The following CARMIL1 variants were observed in gnomAD, a reference collection of about 807,000 sequenced individuals.
CARMIL1 encodes the protein capping protein regulator and myosin 1 linker 1, also known as F-actin-uncapping protein LRRC16A.
Under a neutral mutation model 177.1 loss-of-function variants are expected in CARMIL1, and 90 were observed. The ratio of observed to expected loss-of-function variants is 0.51; its 90% CI spans 0.43 to 0.61. The LOEUF (loss-of-function observed/expected upper bound fraction) is 0.61. CARMIL1 is among the 20% of genes least tolerant of loss of function. The pLI, the probability that CARMIL1 is intolerant of heterozygous loss-of-function variation, is 0.00. For missense variants in CARMIL1, 1,380 were observed against 1,667.0 expected, an observed-to-expected ratio of 0.83 and a Z score of 3.00; for synonymous variants, 577 against 606.2, an observed-to-expected ratio of 0.95 and a Z score of 0.71.
chr6:25,453,853 G>A (rs921582041), intron 8 of CARMIL1, among the ~76,000 whole-genome samples: 1 of 152,130 alleles, frequency 6.6e-6, no homozygotes, highest in African/African-American at 2.4e-5. Context: ...AGACACTGTA[G>A]GGCAGCTTGA....
intron 17 of CARMIL1, among the ~76,000 whole-genome samples, chr6:25,502,264 C>CAAAA (rs1004427316): frequency 7.0e-6 from 1 of 142,560 alleles, no homozygotes; most frequent in African/African-American, 2.6e-5. Context: ...AAAAAAAAAA[C>CAAAA]AAAAAAAAAA....
chr6:25,307,831 C>CT (rs1270307244), intron 2 of CARMIL1, among the ~76,000 whole-genome samples: 2 of 152,096 alleles, frequency 1.3e-5, no homozygotes, highest in Non-Finnish European at 2.9e-5. Context: ...GTGTAAGCCT[C>CT]TTTTTTGATA....
chr6:25,571,028 G>A (rs944879189), intron 29 of CARMIL1, among the ~76,000 whole-genome samples: 1 of 152,064 alleles, frequency 6.6e-6, no homozygotes. Flanking sequence ...ATTACTTTTT[G>A]TAAACTACAA....
At chr6:25,614,539 T>A (rs1004273968) in intron 36 of CARMIL1, among the ~76,000 whole-genome samples, 4 of 152,244 alleles carry the variant, frequency 2.6e-5, no homozygotes. Flanking sequence ...AAGTTATTTT[T>A]GAGAATTTGT....
Position 25,604,879 on chromosome 6 carries a change from A to G in CARMIL1, c.3620A>G (p.Asp1207Gly). 6.3e-7 allele frequency: 1 copy of G among 1,594,970 alleles called. No individual in the cohort carries two copies. The highest frequency in any genetic ancestry group is 8.5e-7 in the Non-Finnish European group (1 of 1,171,090). The change falls in exon 34 of 37, where the codon GAT becomes GGT. Residue 1207 changes from aspartate to glycine, a missense_variant. Transcript: ENST00000329474. ...GCTTTGAGCGGCGTAGAACGGTCGG[A>G]TGGAGGTGGGGCAGGTAAGTCAGGC... ...SPALSGVERS[D>G]GGGAVPKLHP...
At chr6:25,487,857 G>A (rs900156662) in intron 12 of CARMIL1, among the ~76,000 whole-genome samples, 3 of 152,142 alleles carry the variant, frequency 2.0e-5, no homozygotes, top group African/African-American at 7.2e-5. Flanking sequence ...TGTCAGTTTA[G>A]TTCAGTTTAT....
intron 2 of CARMIL1, among the ~76,000 whole-genome samples, chr6:25,385,518 A>T (rs1032233929): frequency 3.9e-5 from 6 of 152,232 alleles, no homozygotes; most frequent in African/African-American, 7.2e-5. Flanking sequence ...TTGAGCACTT[A>T]CTATGGACCA....
chr6:25,350,438 G>A (rs16890448), intron 2 of CARMIL1, among the ~76,000 whole-genome samples: 9,106 of 152,144 alleles, frequency 0.06, 576 homozygotes, highest in African/African-American at 0.16. Context: ...TGGGGCCACC[G>A]TCTCACCAGG....
chr6:25,349,725 A>ATTTTTT (rs67971403), intron 2 of CARMIL1, among the ~76,000 whole-genome samples: 1 of 93,520 alleles, frequency 1.1e-5, no homozygotes, highest in African/African-American at 4.1e-5. Context: ...CAGTCCCCTC[A>ATTTTTT]TTTTTTTTTT....
intron 2 of CARMIL1, among the ~76,000 whole-genome samples, chr6:25,321,816 G>A (rs1030732091): frequency 1.3e-5 from 2 of 151,220 alleles, no homozygotes; most frequent in Non-Finnish European, 3.0e-5. Flanking sequence ...CCGCCACCAC[G>A]CCCGGCTAAT....
At chr6:25,547,672 T>G (rs920723039) in intron 26 of CARMIL1, among the ~76,000 whole-genome samples, 2 of 152,172 alleles carry the variant, frequency 1.3e-5, no homozygotes, top group African/African-American at 4.8e-5. Flanking sequence ...GTTATAACTT[T>G]GTATCTGGAG....
Position 25,551,049 on chromosome 6 carries a change from T to C in CARMIL1, c.2468T>C (p.Leu823Ser). 6.2e-7 allele frequency: 1 copy of C among 1,613,494 alleles called. No individual in the cohort carries two copies. The highest frequency in any genetic ancestry group is 8.5e-7 in the Non-Finnish European group (1 of 1,179,524). ...CGTACCTTTGTTAAAAATGTCCTGT[T>C]GGAGCAGTCTGGAATTGATATCCTT... ...IPRTFVKNVLLEQSGIDILNK... is the reference protein window; with the variant it reads ...IPRTFVKNVLSEQSGIDILNK... The change falls in exon 27 of 37, where the codon TTG becomes TCG. Residue 823 changes from leucine (L) to serine (S), a missense_variant. By Grantham distance (145) the Leu-to-Ser change is moderately radical. Coordinates refer to ENST00000329474, the MANE Select transcript of CARMIL1 (RefSeq NM_017640.6).
chr6:25,329,646 C>G (rs1170963400), intron 2 of CARMIL1, among the ~76,000 whole-genome samples: 1 of 152,150 alleles, frequency 6.6e-6, no homozygotes, highest in Non-Finnish European at 1.5e-5. Context: ...TTGAATGCAT[C>G]AGGGATCTTT....
At chr6:25,397,193 A>G (rs1480177470) in intron 2 of CARMIL1, among the ~76,000 whole-genome samples, 4 of 152,166 alleles carry the variant, frequency 2.6e-5, no homozygotes, top group Non-Finnish European at 5.9e-5. Flanking sequence ...GGTTCTTTCT[A>G]GCTCAGTCAT....
At chr6:25,451,987 C>T in intron 8 of CARMIL1, 4 of 62,874 alleles carry the variant, frequency 6.4e-5, no homozygotes, top group Admixed American at 1.9e-4. Flanking sequence ...TAGCATCTTG[C>T]CCCCCCCTCC....
chr6:25,591,467 G>A (rs1270800688), intron 31 of CARMIL1, among the ~76,000 whole-genome samples: 1 of 152,172 alleles, frequency 6.6e-6, no homozygotes, highest in African/African-American at 2.4e-5. Flanking sequence ...TGAGGTTTTT[G>A]CTCCCTCCTT....
chr6:25,450,216 T>C (rs1168995837), intron 6 of CARMIL1, 123 bp from the exon 7 acceptor site: 2 of 774,286 alleles, frequency 2.6e-6, no homozygotes, highest in African/African-American at 1.7e-5. Context: ...TCTTTGCTGT[T>C]TTCCCCCCTA....
Position 25,540,021 on chromosome 6 carries a change from G to A in CARMIL1, c.2271G>A (p.Gln757=). The stretch of plus-strand genomic sequence containing the variant: ...GTGGCTTACTATCCAGTCCAATTCA[G>A]GAGACCCTGGAATCAATGGCTGGAG... ...GASGLLSSPI[Q]ETLESMAGEV... is the part of the protein sequence containing the mutation. The change falls in exon 26 of 37, where the codon CAG becomes CAA. Residue 757 remains glutamine (Q), a synonymous_variant. Coordinates refer to ENST00000329474, the MANE Select transcript of CARMIL1 (RefSeq NM_017640.6). 1 of 1,609,010 alleles carries A rather than the reference G, an allele frequency of 6.2e-7. No homozygotes were observed. The highest frequency in any genetic ancestry group is 1.3e-5 in the African/African-American group (1 of 74,814).
intron 2 of CARMIL1, among the ~76,000 whole-genome samples, chr6:25,386,179 T>C (rs1792139800): frequency 6.6e-6 from 1 of 152,220 alleles, no homozygotes; most frequent in Admixed American, 6.5e-5. Flanking sequence ...ACTGGTTATT[T>C]GCAGTGTCAA....
Sources: gnomAD v4.1 joint callset for allele counts (sites outside exome capture counted in the v4.1 genomes callset) on GRCh38, gnomAD v4.1.1 for gene constraint, MANE v1.5 for transcripts, NCBI Gene and HGNC (gene_info 2026-07-23, HGNC 2026-07-21) for gene names.